The following CNBD1 variants were observed in gnomAD, a reference collection of about 807,000 sequenced individuals.
CNBD1 encodes the protein cyclic nucleotide-binding domain-containing protein 1.
Under a neutral mutation model 54.4 loss-of-function variants are expected in CNBD1, and 71 were observed. The observed-to-expected ratio is 1.30, with a 90% CI of 1.08 to 1.59. CNBD1 has a LOEUF of 1.59. Among genes scored for constraint, CNBD1 ranks in the 40% most tolerant of loss-of-function variants. CNBD1 has a pLI of 0.00. For missense variants in CNBD1, 659 were observed against 518.0 expected, an observed-to-expected ratio of 1.27 and a Z score of -2.64; for synonymous variants, 182 against 170.7, an observed-to-expected ratio of 1.07 and a Z score of -0.51.
At chr8:86,867,864 C>G (rs563953050) in intron 1 of CNBD1, among the ~76,000 whole-genome samples, 5 of 152,140 alleles carry the variant, frequency 3.3e-5, no homozygotes, top group Non-Finnish European at 1.5e-5. Flanking sequence ...CACTTAACTT[C>G]TGTGAAGTGA....
intron 5 of CNBD1, among the ~76,000 whole-genome samples, chr8:87,222,625 G>A (rs2130810243): frequency 6.6e-6 from 1 of 152,218 alleles, no homozygotes; most frequent in African/African-American, 2.4e-5. Flanking sequence ...AAACTTTTAA[G>A]TCCTTCTAGA....
intron 4 of CNBD1, among the ~76,000 whole-genome samples, chr8:87,143,636 T>C (rs1812421132): frequency 6.6e-6 from 1 of 152,158 alleles, no homozygotes; most frequent in Non-Finnish European, 1.5e-5. Context: ...TTTATACTTA[T>C]TATTAAGGAA....
chr8:87,408,281 T>G (rs1402481119), intron 2 of CNBD1, among the ~76,000 whole-genome samples: 1 of 152,052 alleles, frequency 6.6e-6, no homozygotes, highest in Non-Finnish European at 1.5e-5. Context: ...CAACCTATTT[T>G]CTTCTTATGC....
rs186915166 is a variant in CNBD1, at chr8:87,110,647, A to G, written c.432-95346A>G. Reference sequence around the variant, plus strand: ...GTTGCTGACCAAGGGCATCCCGAGTACATGCCACTTCTGTTCATCAAGCAT... The same window carrying G: ...GTTGCTGACCAAGGGCATCCCGAGTGCATGCCACTTCTGTTCATCAAGCAT... On this transcript the variant is annotated intron_variant, in intron 4 of 10. Transcript: ENST00000518476. Among the ~76,000 whole-genome samples the G allele has an allele frequency of 3.0e-3, 455 of 152,344 alleles. 4 individuals carry two copies. The highest frequency in any genetic ancestry group is 0.01 in the African/African-American group (426 of 41,588).
At chr8:87,386,490 G>A (rs552255770), downstream of CNBD1, among the ~76,000 whole-genome samples, 18 of 152,144 alleles carry the variant, frequency 1.2e-4, no homozygotes, top group East Asian at 3.9e-4. Context: ...TAGCCAATTC[G>A]ATCAACTGGA....
chr8:87,405,484 G>A (rs1266444491), intron 2 of CNBD1, among the ~76,000 whole-genome samples: 5 of 151,980 alleles, frequency 3.3e-5, no homozygotes, highest in African/African-American at 1.2e-4. Flanking sequence ...CTTTGATTTT[G>A]TTACAAGATC....
intron 4 of CNBD1, among the ~76,000 whole-genome samples, chr8:87,117,067 C>G (rs867647339): frequency 6.6e-6 from 1 of 152,030 alleles, no homozygotes; most frequent in Non-Finnish European, 1.5e-5. Context: ...CTTTGAATGG[C>G]GAATTAACCA....
intron 4 of CNBD1, among the ~76,000 whole-genome samples, chr8:86,974,993 A>G (rs1054046103): frequency 2.1e-4 from 32 of 152,212 alleles, no homozygotes; most frequent in African/African-American, 7.7e-4. Flanking sequence ...GTGTTTGGAA[A>G]AAATCTATTG....
chr8:87,190,714 T>G (rs747837252), intron 4 of CNBD1, among the ~76,000 whole-genome samples: 1 of 151,964 alleles, frequency 6.6e-6, no homozygotes, highest in Non-Finnish European at 1.5e-5. Context: ...TATATTCACA[T>G]GCTTGTAAGT....
Position 87,378,638 on chromosome 8 carries a change from C to T in CNBD1, c.1304-3982C>T, listed in dbSNP as rs1303340452. On this transcript the variant is annotated intron_variant, in intron 10 of 10. Coordinates refer to ENST00000518476, the MANE Select transcript of CNBD1 (RefSeq NM_173538.3). ...CTTAGGATTGACTTGGCTCTGCAGG[C>T]TCTTTTTTGGTTCCATATGAACTTT... Among the ~76,000 whole-genome samples, 3 of 148,948 alleles carry T rather than the reference C, an allele frequency of 2.0e-5. 1 individual carries two copies. Among genetic ancestry groups the T allele is most frequent in the Non-Finnish European group, 4.5e-5 (3 of 67,326 alleles).
chr8:87,384,144 G>A (rs568063482), downstream of CNBD1, among the ~76,000 whole-genome samples: 3 of 151,998 alleles, frequency 2.0e-5, no homozygotes, highest in Non-Finnish European at 4.4e-5. Context: ...AAAAGGACAA[G>A]AAAAGTTTTA....
At chr8:86,979,860 A>G (rs1444945580) in intron 4 of CNBD1, among the ~76,000 whole-genome samples, 1 of 152,208 alleles carries the variant, frequency 6.6e-6, no homozygotes, top group Non-Finnish European at 1.5e-5. Flanking sequence ...AAATGATGAT[A>G]TAAGAGCAAT....
chr8:87,414,327 A>T (rs1807801679), intron 2 of CNBD1, among the ~76,000 whole-genome samples: 2 of 151,992 alleles, frequency 1.3e-5, no homozygotes. Flanking sequence ...AACAATGAGA[A>T]CCCATGGACA....
intron 5 of CNBD1, among the ~76,000 whole-genome samples, chr8:87,224,691 T>C (rs1344238917): frequency 6.6e-6 from 1 of 151,790 alleles, no homozygotes; most frequent in Non-Finnish European, 1.5e-5. Context: ...CCTCCAGCTT[T>C]GTTCTTTTGG....
intron 3 of CNBD1, among the ~76,000 whole-genome samples, chr8:86,933,154 C>T (rs190755350): frequency 1.4e-4 from 22 of 152,212 alleles, no homozygotes; most frequent in African/African-American, 4.1e-4. Context: ...GATATACCCC[C>T]CAATTTTGGA....
intron 4 of CNBD1, among the ~76,000 whole-genome samples, chr8:87,107,750 T>G (rs1389020592): frequency 6.6e-6 from 1 of 152,216 alleles, no homozygotes; most frequent in Non-Finnish European, 1.5e-5. Flanking sequence ...TGCTGTGGCA[T>G]TAGCTTCAGT....
intron 4 of CNBD1, among the ~76,000 whole-genome samples, chr8:87,008,452 G>A (rs946297122): frequency 2.0e-5 from 3 of 151,972 alleles, no homozygotes; most frequent in African/African-American, 7.3e-5. Flanking sequence ...TTTTTTGGCC[G>A]GGGTGGGTCT....
intron 4 of CNBD1, among the ~76,000 whole-genome samples, chr8:87,118,314 CAAAAAAAAAAA>C (rs34800282): frequency 7.3e-5 from 8 of 109,154 alleles, no homozygotes; most frequent in African/African-American, 1.1e-4. Context: ...GACTCTGTCT[CAAAAAAAAAAA>C]AAAAAAAAAA....
intron 4 of CNBD1, among the ~76,000 whole-genome samples, chr8:87,032,877 G>A (rs181716933): frequency 3.0e-4 from 45 of 152,278 alleles, no homozygotes; most frequent in Non-Finnish European, 4.9e-4. Flanking sequence ...TGATTTGGAA[G>A]CACTTATCCT....
Sources: allele counts gnomAD v4.1 joint callset (sites outside exome capture counted in the v4.1 genomes callset), GRCh38; gene constraint gnomAD v4.1.1; transcripts MANE v1.5; gene names NCBI Gene and HGNC (gene_info 2026-07-23, HGNC 2026-07-21).